Variants in LRRK1 observed in about 807,000 individuals in gnomAD.
The protein encoded by LRRK1 is leucine rich repeat kinase 1.
A neutral mutation model predicts 209.1 loss-of-function variants in LRRK1; 113 were observed. The observed-to-expected ratio is 0.54, with a 90% CI of 0.46 to 0.63. The LOEUF (loss-of-function observed/expected upper bound fraction) is 0.63, where lower values mean the gene tolerates loss of function less well. Among genes scored for constraint, LRRK1 ranks in the 30% least tolerant of loss-of-function variants. The pLI, the probability that LRRK1 is intolerant of heterozygous loss-of-function variation, is 0.00. For missense variants in LRRK1, 2,284 were observed against 2,632.2 expected, an observed-to-expected ratio of 0.87 and a Z score of 2.89; for synonymous variants, 1,144 against 1,099.7, an observed-to-expected ratio of 1.04 and a Z score of -0.80.
At chr15:100,958,433 C>G (rs1281236490) in intron 2 of LRRK1, among the ~76,000 whole-genome samples, 1 of 152,176 alleles carries the variant, frequency 6.6e-6, no homozygotes, top group Non-Finnish European at 1.5e-5. Flanking sequence ...CCTCTGCTCC[C>G]CAGCAAGCCC....
intron 29 of LRRK1, among the ~76,000 whole-genome samples, chr15:101,059,914 A>ATT (rs2036057958): frequency 6.6e-6 from 1 of 152,130 alleles, no homozygotes; most frequent in Admixed American, 6.5e-5. Flanking sequence ...CTGAGGGTGA[A>ATT]TTGGAGGACC....
chr15:100,934,434 C>T (rs2042259469), intron 2 of LRRK1, among the ~76,000 whole-genome samples: 1 of 152,052 alleles, frequency 6.6e-6, no homozygotes, highest in Admixed American at 6.5e-5. Flanking sequence ...ATGCTGGGGA[C>T]ACAGCAGGAG....
chr15:101,037,969 C>A (rs2034564459), intron 20 of LRRK1, among the ~76,000 whole-genome samples: 1 of 152,134 alleles, frequency 6.6e-6, no homozygotes, highest in South Asian at 2.1e-4. Context: ...GGAACCATCC[C>A]AAATGTGCAT....
At chr15:100,996,863 CTA>C (rs1468720531) in intron 6 of LRRK1, among the ~76,000 whole-genome samples, 2 of 152,194 alleles carry the variant, frequency 1.3e-5, no homozygotes, top group East Asian at 3.9e-4. Context: ...AACAGAAAAA[CTA>C]TTATTTGAAC....
At chr15:100,974,008 G>A (rs566195956) in intron 3 of LRRK1, 41 bp downstream of exon 3, 113 of 1,240,348 alleles carry the variant, frequency 9.1e-5, no homozygotes, top group Admixed American at 2.5e-4. Flanking sequence ...ATGCAGCCCC[G>A]GGCTGGACGA....
In LRRK1 at chr15:101,005,596, C is replaced by A. The variant is rs751619686; in HGVS notation, c.763-3241C>A. ...ACACCTCACACCCAGATCTTGGTTT[C>A]TAAATACCAATTTTTGCTCAAGGGA... On this transcript the variant is annotated intron_variant, in intron 6 of 33. Coordinates refer to ENST00000388948, the MANE Select transcript of LRRK1 (RefSeq NM_024652.6). Among the ~76,000 whole-genome samples, 6 of 152,186 alleles carry A rather than the reference C, an allele frequency of 3.9e-5. 1 individual carries two copies. Among genetic ancestry groups the A allele is most frequent in the Non-Finnish European group, 8.8e-5 (6 of 68,036 alleles).
chr15:100,956,560 G>A (rs1596195982), intron 2 of LRRK1, among the ~76,000 whole-genome samples: 1 of 148,898 alleles, frequency 6.7e-6, no homozygotes, highest in Non-Finnish European at 1.5e-5. Flanking sequence ...CCACCTCCCG[G>A]GTTCAAGCAA....
chr15:100,928,390 G>C (rs2042150503), intron 2 of LRRK1, among the ~76,000 whole-genome samples: 1 of 152,088 alleles, frequency 6.6e-6, no homozygotes, highest in African/African-American at 2.4e-5. Context: ...CCTTCTCCTA[G>C]ACTTCCTGGG....
chr15:100,924,512 G>T lies in LRRK1; in HGVS notation c.-121G>T, dbSNP rs12148466. On this transcript the variant is annotated splice_region_variant and 5_prime_UTR_variant, in exon 2 of 34. Transcript: ENST00000388948. The stretch of plus-strand genomic sequence containing the variant: ...GTTTTGATTGTTTTTCGCCACCAGA[G>T]CAAGAAAGCTTTCTGCTCAGCCATG... 59,589 of 763,282 alleles carry T rather than the reference G, an allele frequency of 0.078. 2,987 individuals are homozygous for T. The highest frequency in any genetic ancestry group is 0.11 in the Non-Finnish European group (47,729 of 451,140). 47.3% of individuals were successfully genotyped at this position (763,282 alleles called of 1,614,324 possible). A position where few individuals can be genotyped will look rare whatever the true frequency, so the allele number is the denominator to read the frequency against.
In LRRK1 at chr15:100,979,182, T is replaced by G. The variant is rs2031466110; in HGVS notation, c.262-4346T>G. 2.0e-5 allele frequency among the ~76,000 whole-genome samples: 3 copies of G among 152,056 alleles called. No homozygotes were observed. In the South Asian group the frequency reaches 6.2e-4, roughly 32 times the overall value. On this transcript the variant is annotated intron_variant, in intron 3 of 33. Transcript: ENST00000388948. Reference sequence around the variant, plus strand: ...TGATACAGAAAAAAATTGACAAAATTCAATACCATGTTTTTCAAAAACTCT... The same window carrying G: ...TGATACAGAAAAAAATTGACAAAATGCAATACCATGTTTTTCAAAAACTCT...
chr15:101,004,778 G>A (rs979515271), intron 6 of LRRK1, among the ~76,000 whole-genome samples: 1 of 152,240 alleles, frequency 6.6e-6, no homozygotes, highest in Non-Finnish European at 1.5e-5. Flanking sequence ...CAGCTCAGGG[G>A]ATGTGGAGGA....
intron 6 of LRRK1, chr15:100,989,719 A>G (rs2032054770): frequency 2.0e-6 from 1 of 494,890 alleles, no homozygotes; most frequent in African/African-American, 1.9e-5. Context: ...ATCACCTCTT[A>G]ATGGTCCCAT....
rs147317693 is a variant in LRRK1 at position 101,014,467 on chromosome 15, G to A, written c.1532+39G>A. On this transcript the variant is annotated intron_variant, in intron 11 of 33. Coordinates refer to ENST00000388948, the MANE Select transcript of LRRK1 (RefSeq NM_024652.6). ...TCTCCTCCCTGGCCAGTTCCAAAGC[G>A]TGTGTGGGGCCACGGTCGAGCAGGT... is the stretch of plus-strand genomic sequence containing the variant. 28 of 1,390,044 alleles carry A rather than the reference G, an allele frequency of 2.0e-5. No homozygotes were observed. The East Asian group carries it at 2.5e-4, about 12-fold the overall frequency. The allele number at this position is 1,390,044 out of a possible 1,614,324, so 86.1% of individuals were successfully genotyped here.
In LRRK1 at chr15:101,065,337, G is replaced by A; in HGVS notation, c.4915-15G>A. 1 of 1,608,620 alleles carries A rather than the reference G, an allele frequency of 6.2e-7. No homozygotes were observed. The highest frequency in any genetic ancestry group is 8.5e-7 in the Non-Finnish European group (1 of 1,178,452). On this transcript the variant is annotated splice_polypyrimidine_tract_variant and intron_variant, in intron 31 of 33. Transcript: ENST00000388948. ...AAATGGAAGGATGTGACACATCCCT[G>A]TCTCCTTCCTTCAGAATTCCTACCT...
intron 2 of LRRK1, among the ~76,000 whole-genome samples, chr15:100,972,417 A>G (rs1227038513): frequency 6.9e-6 from 1 of 145,770 alleles, no homozygotes; most frequent in Non-Finnish European, 1.5e-5. Context: ...GGTATGTTTG[A>G]AGAATAAAGA....
Position 101,061,163 on chromosome 15 carries a change from A to G in LRRK1, c.4680-8A>G, listed in dbSNP as rs1416379793. 1 of 1,516,282 alleles carries G rather than the reference A, an allele frequency of 6.6e-7. No homozygotes were observed. 93.9% of individuals were successfully genotyped at this position (1,516,282 alleles called of 1,614,324 possible). A position where few individuals can be genotyped will look rare whatever the true frequency, so the allele number is the denominator to read the frequency against. On this transcript the variant is annotated splice_polypyrimidine_tract_variant and splice_region_variant and intron_variant, in intron 29 of 33. Transcript: ENST00000388948. ...GGGCACTGACAGCACAGTTTCTGCCACTTACAGGAACTACACGGTGGTGAA... is the reference window on the plus strand; with the variant it reads ...GGGCACTGACAGCACAGTTTCTGCCGCTTACAGGAACTACACGGTGGTGAA...
intron 2 of LRRK1, among the ~76,000 whole-genome samples, chr15:100,960,106 A>G (rs1453681351): frequency 6.6e-6 from 1 of 152,164 alleles, no homozygotes; most frequent in Non-Finnish European, 1.5e-5. Context: ...GGTCTCGAGA[A>G]GTTCACCTTG....
At chr15:100,950,380 GAT>G (rs1351898086) in intron 2 of LRRK1, among the ~76,000 whole-genome samples, 1 of 152,218 alleles carries the variant, frequency 6.6e-6, no homozygotes, top group Middle Eastern at 3.2e-3. Flanking sequence ...TGTATTCATG[GAT>G]TGGAAGACTT....
At chr15:100,994,556 T>C (rs1412073266) in intron 6 of LRRK1, among the ~76,000 whole-genome samples, 3 of 152,214 alleles carry the variant, frequency 2.0e-5, no homozygotes, top group African/African-American at 7.2e-5. Flanking sequence ...CATGCCAAGG[T>C]TGGCATAGAG....
Sources: allele counts gnomAD v4.1 joint callset (sites outside exome capture counted in the v4.1 genomes callset), GRCh38; gene constraint gnomAD v4.1.1; transcripts MANE v1.5; gene names NCBI Gene and HGNC (gene_info 2026-07-23, HGNC 2026-07-21).